GSTCD: variants seen among roughly 807,000 people sequenced by gnomAD.
The protein encoded by GSTCD is glutathione S-transferase C-terminal domain-containing protein.
A neutral mutation model predicts 68.3 loss-of-function variants in GSTCD; 44 were observed. That is an observed-to-expected ratio of 0.64 (90% CI 0.51 to 0.83). GSTCD has a LOEUF of 0.83. Ranked by LOEUF, GSTCD falls within the 40% of genes least tolerant of loss-of-function variation. The pLI, the probability that GSTCD is intolerant of heterozygous loss-of-function variation, is 0.00. For missense variants in GSTCD, 739 were observed against 735.9 expected (o/e 1.00, Z -0.05); for synonymous variants, 273 against 255.2 (o/e 1.07, Z -0.67).
intron 1 of GSTCD, among the ~76,000 whole-genome samples, chr4:105,713,466 T>A (rs1414358577): frequency 6.6e-6 from 1 of 152,226 alleles, no homozygotes; most frequent in Non-Finnish European, 1.5e-5. Flanking sequence ...TTGCTTCAAT[T>A]TATGAAATTT....
chr4:105,731,507 T>A (rs1733238678), intron 5 of GSTCD, among the ~76,000 whole-genome samples: 1 of 151,876 alleles, frequency 6.6e-6, no homozygotes, highest in South Asian at 2.1e-4. Flanking sequence ...TGAATGGGAG[T>A]TCACTCATAA....
intron 5 of GSTCD, among the ~76,000 whole-genome samples, chr4:105,785,367 C>A (rs377424187): frequency 2.0e-4 from 31 of 151,994 alleles, no homozygotes; most frequent in African/African-American, 3.9e-4. Flanking sequence ...AAAAATCATA[C>A]ACCATAACCA....
chr4:105,845,620 T>C lies in GSTCD; in HGVS notation c.*43T>C. The C allele has an allele frequency of 6.2e-7, 1 of 1,606,346 alleles. No individual in the cohort carries two copies. Among genetic ancestry groups the C allele is most frequent in the Non-Finnish European group, 8.5e-7 (1 of 1,175,076 alleles). ...TGATATTTTGCCATCCGTCTTCACG[T>C]TGGATGCCCAGTGGCATTCAGGAGG... is the stretch of plus-strand genomic sequence containing the variant. On this transcript the variant is annotated 3_prime_UTR_variant, in exon 12 of 12. Coordinates refer to ENST00000515279, the MANE Select transcript of GSTCD (RefSeq NM_001370181.1).
At chr4:105,815,777 A>G (rs984470593) in intron 5 of GSTCD, among the ~76,000 whole-genome samples, 3 of 152,190 alleles carry the variant, frequency 2.0e-5, no homozygotes, top group African/African-American at 4.8e-5. Context: ...AGGGAAAAGA[A>G]GTAAATACCT....
rs941807206 is a variant in GSTCD at position 105,846,715 on chromosome 4, A to T, written c.*1138A>T. ...AGACAGAGTTTCACTCTTGTTGCCC[A>T]GGCTGGAATTCAGTGGCTCGATCTT... On this transcript the variant is annotated 3_prime_UTR_variant, in exon 12 of 12. Transcript: ENST00000515279. The T allele has an allele frequency of 3.0e-5, 4 of 133,150 alleles. No homozygotes were observed. The highest frequency in any genetic ancestry group is 4.3e-4 in the East Asian group (2 of 4,626). 8.2% of individuals were successfully genotyped at this position (133,150 alleles called of 1,614,324 possible).
chr4:105,726,149 G>A (rs1178363364), intron 3 of GSTCD, among the ~76,000 whole-genome samples: 1 of 152,084 alleles, frequency 6.6e-6, no homozygotes, highest in Non-Finnish European at 1.5e-5. Flanking sequence ...ACCAGTGAAT[G>A]AGTAAGCAAA....
intron 4 of GSTCD, among the ~76,000 whole-genome samples, chr4:105,728,680 T>TATAG (rs368056265): frequency 0.084 from 12,371 of 146,814 alleles, 1,679 homozygotes; most frequent in African/African-American, 0.29. Flanking sequence ...TAGATATAGA[T>TATAG]ATATAGATAT....
At chr4:105,813,172 C>T (rs1358971884) in intron 5 of GSTCD, among the ~76,000 whole-genome samples, 1 of 152,110 alleles carries the variant, frequency 6.6e-6, no homozygotes, top group Non-Finnish European at 1.5e-5. Flanking sequence ...CAGTACCCAA[C>T]CTCATTGAGC....
chr4:105,742,913 A>G (rs1733676819), intron 5 of GSTCD, among the ~76,000 whole-genome samples: 1 of 148,956 alleles, frequency 6.7e-6, no homozygotes, highest in Non-Finnish European at 1.5e-5. Context: ...CGGAGGTCAC[A>G]CTGTGTTGCC....
At chr4:105,736,116 A>T (rs182011010) in intron 5 of GSTCD, among the ~76,000 whole-genome samples, 1 of 152,202 alleles carries the variant, frequency 6.6e-6, no homozygotes, top group African/African-American at 2.4e-5. Flanking sequence ...TTTTTTAAAC[A>T]TAGTTATTTT....
intron 1 of GSTCD, among the ~76,000 whole-genome samples, chr4:105,711,554 G>A (rs1732537277): frequency 6.6e-6 from 1 of 152,106 alleles, no homozygotes; most frequent in Admixed American, 6.5e-5. Context: ...AAGGAATTTG[G>A]TTATAAATTA....
chr4:105,819,280 C>T (rs1311486307), intron 5 of GSTCD, among the ~76,000 whole-genome samples: 1 of 151,676 alleles, frequency 6.6e-6, no homozygotes, highest in Non-Finnish European at 1.5e-5. Context: ...GTATGCCTTC[C>T]CCATCCCCAT....
At chr4:105,760,996 ATTTTTTTTTT>A (rs35581423) in intron 5 of GSTCD, 7 of 174,958 alleles carry the variant, frequency 4.0e-5, no homozygotes, top group Non-Finnish European at 4.8e-5. Flanking sequence ...TCCTTTTTTA[ATTTTTTTTTT>A]TTTTTTTTTT....
rs577380458 is a variant in GSTCD at position 105,719,287 on chromosome 4, G to C, written c.654G>C (p.Lys218Asn). ...CTCCCCTTACTAAGGGAAAGGCAAA[G>C]AGCAAGGTCCACACACAGGAAACAT... The part of the protein sequence containing the change: ...VGPPLTKGKA[K>N]SKVHTQETSE... The change falls in exon 3 of 12, where the codon AAG (lysine) becomes AAC (asparagine). Residue 218 changes from lysine (K) to asparagine (N), a missense_variant. Coordinates refer to ENST00000515279, the MANE Select transcript of GSTCD (RefSeq NM_001370181.1). The C allele has an allele frequency of 1.9e-6, 3 of 1,614,086 alleles. No homozygotes were observed. The highest frequency in any genetic ancestry group is 2.2e-5 in the South Asian group (2 of 91,074).
At chr4:105,831,252 C>T (rs2149281621) in intron 8 of GSTCD, among the ~76,000 whole-genome samples, 1 of 152,292 alleles carries the variant, frequency 6.6e-6, no homozygotes, top group East Asian at 1.9e-4. Flanking sequence ...CTTCGAAAAG[C>T]AACACCGGAG....
At chr4:105,828,319 T>G (rs1233973677) in intron 8 of GSTCD, among the ~76,000 whole-genome samples, 1 of 152,204 alleles carries the variant, frequency 6.6e-6, no homozygotes, top group East Asian at 1.9e-4. Context: ...TAGTGTACAA[T>G]TAAAAGAAGC....
chr4:105,834,692 C>A, intron 9 of GSTCD, 98 bp downstream of exon 9: 1 of 1,029,016 alleles, frequency 9.7e-7, no homozygotes, highest in South Asian at 1.8e-5. Context: ...ATTTTTGGCT[C>A]ATTTCTTCTT....
At chr4:105,785,227 A>G (rs1235176867) in intron 5 of GSTCD, among the ~76,000 whole-genome samples, 1 of 152,226 alleles carries the variant, frequency 6.6e-6, no homozygotes, top group Non-Finnish European at 1.5e-5. Flanking sequence ...TTGTTGACTT[A>G]TAACATTTTT....
intron 5 of GSTCD, among the ~76,000 whole-genome samples, chr4:105,742,686 C>CT: frequency 6.8e-6 from 1 of 147,748 alleles, no homozygotes; most frequent in East Asian, 2.0e-4. Context: ...AGTACTTTCT[C>CT]TTTTTTTGTT....
Sources: allele counts gnomAD v4.1 joint callset (sites outside exome capture counted in the v4.1 genomes callset), GRCh38; gene constraint gnomAD v4.1.1; transcripts MANE v1.5; gene names NCBI Gene and HGNC (gene_info 2026-07-23, HGNC 2026-07-21).